Variants in NLGN1 observed in about 807,000 individuals in gnomAD.
NLGN1 encodes neuroligin 1.
A neutral mutation model predicts 65.5 loss-of-function variants in NLGN1; 12 were observed. The ratio of observed to expected loss-of-function variants is 0.18; its 90% CI spans 0.12 to 0.30. The LOEUF is 0.30. NLGN1 is among the 10% of genes least tolerant of loss of function. The pLI is 1.00. For missense variants in NLGN1, 750 were observed against 1,007.1 expected, an observed-to-expected ratio of 0.74 and a Z score of 3.46; for synonymous variants, 350 against 359.5, an observed-to-expected ratio of 0.97 and a Z score of 0.30.
At chr3:173,831,910 A>G (rs915741180) in intron 4 of NLGN1, among the ~76,000 whole-genome samples, 2 of 151,936 alleles carry the variant, frequency 1.3e-5, no homozygotes, top group Non-Finnish European at 2.9e-5. Context: ...TAAACAGGCT[A>G]TCTTTATAAT....
chr3:173,955,924 T>C (rs1335694507), intron 4 of NLGN1, among the ~76,000 whole-genome samples: 1 of 152,100 alleles, frequency 6.6e-6, no homozygotes, highest in Non-Finnish European at 1.5e-5. Flanking sequence ...TCATTCCGAA[T>C]ACACAAGAAT....
intron 3 of NLGN1, among the ~76,000 whole-genome samples, chr3:173,746,414 G>C (rs979972056): frequency 6.6e-6 from 1 of 151,944 alleles, no homozygotes; most frequent in African/African-American, 2.4e-5. Context: ...TTGGCCCTTT[G>C]CTTCCTAACA....
intron 2 of NLGN1, among the ~76,000 whole-genome samples, chr3:173,499,494 C>T (rs556647332): frequency 1.3e-5 from 2 of 151,798 alleles, no homozygotes; most frequent in Non-Finnish European, 2.9e-5. Flanking sequence ...AGCGTGATGC[C>T]TCCAGCTTTG....
chr3:173,459,687 A>G (rs1249706944), intron 2 of NLGN1, among the ~76,000 whole-genome samples: 1 of 152,156 alleles, frequency 6.6e-6, no homozygotes, highest in Non-Finnish European at 1.5e-5. Flanking sequence ...GATGCAAAAT[A>G]AAACTATTGC....
chr3:173,650,769 A>G (rs1294089890), intron 3 of NLGN1, among the ~76,000 whole-genome samples: 1 of 152,146 alleles, frequency 6.6e-6, no homozygotes, highest in Admixed American at 6.5e-5. Context: ...AAGTTTTCAT[A>G]CATTCTTAAG....
chr3:173,565,957 T>C (rs892226670), intron 2 of NLGN1, among the ~76,000 whole-genome samples: 10 of 152,290 alleles, frequency 6.6e-5, no homozygotes, highest in Admixed American at 5.9e-4. Flanking sequence ...TTTCCATTAA[T>C]TGTAAATAGA....
At chr3:173,436,993 C>G (rs1420953896) in intron 2 of NLGN1, among the ~76,000 whole-genome samples, 2 of 152,184 alleles carry the variant, frequency 1.3e-5, no homozygotes, top group African/African-American at 4.8e-5. Context: ...TTCACCCTGT[C>G]CAGATCTAAA....
At chr3:173,829,199 G>C (rs1338194951) in intron 4 of NLGN1, among the ~76,000 whole-genome samples, 1 of 152,062 alleles carries the variant, frequency 6.6e-6, no homozygotes, top group East Asian at 1.9e-4. Context: ...ATTCTGAGCG[G>C]GAGAAGATGG....
At chr3:173,658,652 T>G (rs1330668618) in intron 3 of NLGN1, among the ~76,000 whole-genome samples, 2 of 151,958 alleles carry the variant, frequency 1.3e-5, no homozygotes, top group African/African-American at 4.8e-5. Flanking sequence ...CTACTTTGCT[T>G]TGGTTCATTC....
At chr3:173,685,194 T>C (rs1198127399) in intron 3 of NLGN1, among the ~76,000 whole-genome samples, 1 of 152,160 alleles carries the variant, frequency 6.6e-6, no homozygotes, top group African/African-American at 2.4e-5. Context: ...AAAATCAATT[T>C]AAATAAGTTG....
chr3:173,859,267 A>G (rs954188209), intron 4 of NLGN1, among the ~76,000 whole-genome samples: 8 of 152,134 alleles, frequency 5.3e-5, no homozygotes, highest in African/African-American at 1.9e-4. Flanking sequence ...AAACTATATC[A>G]TGGTCTCAAA....
chr3:174,178,522 TAGA>T (rs1729844688), intron 4 of NLGN1, among the ~76,000 whole-genome samples: 1 of 152,120 alleles, frequency 6.6e-6, no homozygotes, highest in South Asian at 2.1e-4. Context: ...GTGCTTAAAG[TAGA>T]AGATGAGTAT....
At chr3:173,509,059 A>C (rs569036976) in intron 2 of NLGN1, among the ~76,000 whole-genome samples, 1 of 152,286 alleles carries the variant, frequency 6.6e-6, no homozygotes, top group East Asian at 1.9e-4. Context: ...CCTCTAGAAT[A>C]CATACAAATT....
chr3:173,578,477 A>G (rs961868670), intron 2 of NLGN1, among the ~76,000 whole-genome samples: 1 of 152,208 alleles, frequency 6.6e-6, no homozygotes, highest in Non-Finnish European at 1.5e-5. Flanking sequence ...CCACTGGGAT[A>G]TAACTAAAAA....
intron 4 of NLGN1, among the ~76,000 whole-genome samples, chr3:174,263,590 A>G (rs1328835956): frequency 3.3e-5 from 5 of 151,934 alleles, no homozygotes; most frequent in Non-Finnish European, 7.4e-5. Flanking sequence ...TGCACGTGAG[A>G]TGGGATTCCT....
At chr3:174,254,804 T>G (rs1277349641) in intron 4 of NLGN1, among the ~76,000 whole-genome samples, 1 of 151,932 alleles carries the variant, frequency 6.6e-6, no homozygotes, top group Non-Finnish European at 1.5e-5. Flanking sequence ...AAAACAGGCC[T>G]CACATATTCA....
chr3:174,246,896 T>G (rs1481586435), intron 4 of NLGN1, among the ~76,000 whole-genome samples: 1 of 152,214 alleles, frequency 6.6e-6, no homozygotes, highest in East Asian at 1.9e-4. Flanking sequence ...TGGTTCACTC[T>G]AGGAATTTGA....
chr3:174,181,502 C>T (rs1309484936), intron 4 of NLGN1, among the ~76,000 whole-genome samples: 1 of 152,136 alleles, frequency 6.6e-6, no homozygotes, highest in African/African-American at 2.4e-5. Flanking sequence ...CAGATCTCCT[C>T]CTTTAGACTA....
intron 2 of NLGN1, among the ~76,000 whole-genome samples, chr3:173,555,534 C>T (rs1457204659): frequency 6.6e-6 from 1 of 152,170 alleles, no homozygotes; most frequent in Non-Finnish European, 1.5e-5. Context: ...GCCTGAAGTG[C>T]AGTGGCATGA....
Sources: gnomAD v4.1 joint callset for allele counts (sites outside exome capture counted in the v4.1 genomes callset) on GRCh38, gnomAD v4.1.1 for gene constraint, MANE v1.5 for transcripts, NCBI Gene and HGNC (gene_info 2026-07-23, HGNC 2026-07-21) for gene names.